Variants in PREX2 observed in about 807,000 individuals in gnomAD.
The protein encoded by PREX2 is phosphatidylinositol-3,4,5-trisphosphate dependent Rac exchange factor 2.
A neutral mutation model predicts 203.2 loss-of-function variants in PREX2; 107 were observed. That is an observed-to-expected ratio of 0.53 (90% CI 0.45 to 0.62). PREX2 has a LOEUF of 0.62. Ranked by LOEUF, PREX2 falls within the 20% of genes least tolerant of loss-of-function variation. The pLI is 0.00. For missense variants in PREX2, 1,777 were observed against 1,955.9 expected (o/e 0.91, Z 1.72); for synonymous variants, 672 against 663.6 (o/e 1.01, Z -0.19).
chr8:68,038,622 C>G (rs1276377614), intron 7 of PREX2, among the ~76,000 whole-genome samples: 1 of 152,108 alleles, frequency 6.6e-6, no homozygotes, highest in Non-Finnish European at 1.5e-5. Flanking sequence ...GCTTCCTAAT[C>G]TTGTTTCCCA....
rs772254176 is a variant in PREX2 at position 68,087,810 on chromosome 8, G to T, written c.2113+1G>T. ...TCTGTTGTGCATGCTGTAGGAAGAG[G>T]TAGGAAATTCGTCTTGCAGGGAAAC... is the stretch of plus-strand genomic sequence containing the variant. On this transcript the variant is annotated splice_donor_variant, in intron 19 of 39. Transcript: ENST00000288368. LOFTEE classifies it high-confidence loss of function. 24 of 1,609,416 alleles carry T rather than the reference G, an allele frequency of 1.5e-5. No individual in the cohort carries two copies. The Admixed American group carries it at 3.8e-4, about 26-fold the overall frequency.
chr8:68,174,993 G>A (rs1350665015), intron 35 of PREX2, among the ~76,000 whole-genome samples: 3 of 152,198 alleles, frequency 2.0e-5, no homozygotes, highest in Admixed American at 6.5e-5. Context: ...AGATGAACCG[G>A]ACAATATGCT....
chr8:68,118,207 T>G (rs1810695279), intron 26 of PREX2, among the ~76,000 whole-genome samples: 2 of 151,914 alleles, frequency 1.3e-5, no homozygotes, highest in Admixed American at 1.3e-4. Flanking sequence ...TACAAAAAAT[T>G]AGCCTGGTGT....
chr8:68,119,690 A>G (rs1381644493), intron 28 of PREX2, among the ~76,000 whole-genome samples, 176 bp downstream of exon 28: 1 of 152,198 alleles, frequency 6.6e-6, no homozygotes, highest in Non-Finnish European at 1.5e-5. Context: ...TCAGCCAACT[A>G]ACCTAAAGGA....
At chr8:67,976,677 GAGAC>G (rs1196111075) in intron 1 of PREX2, among the ~76,000 whole-genome samples, 2 of 98,454 alleles carry the variant, frequency 2.0e-5, no homozygotes, top group African/African-American at 7.1e-5. Flanking sequence ...GACAGAGAGA[GAGAC>G]AGGAGAGAGA....
chr8:67,958,838 G>A (rs1425387029), intron 1 of PREX2, among the ~76,000 whole-genome samples: 3 of 152,278 alleles, frequency 2.0e-5, no homozygotes, highest in African/African-American at 4.8e-5. Context: ...CATTGACTGA[G>A]AATTGGAATG....
intron 1 of PREX2, among the ~76,000 whole-genome samples, chr8:68,000,543 A>G (rs13270348): frequency 0.69 from 104,348 of 152,106 alleles, 36,028 homozygotes; most frequent in South Asian, 0.81. Context: ...TACAAATTCA[A>G]TGTTATTCCT....
At chr8:68,135,878 G>C (rs77583270) in intron 32 of PREX2, among the ~76,000 whole-genome samples, 1,574 of 152,154 alleles carry the variant, frequency 0.01, 26 homozygotes, top group African/African-American at 0.036. Context: ...CCATATAATG[G>C]AATATTATTC....
rs74390691 is a variant in PREX2, at chr8:68,108,463, T to C, written c.2938+132T>C. ...TGAACTTTTATAAAGGAAGGATTTC[T>C]TGCTGTAATCATTTGGATAATTATG... is the stretch of plus-strand genomic sequence containing the variant. On this transcript the variant is annotated intron_variant, in intron 24 of 39. Coordinates refer to ENST00000288368, the MANE Select transcript of PREX2 (RefSeq NM_024870.4). 1.3e-3 allele frequency: 811 copies of C among 648,448 alleles called. 6 individuals carry two copies. The African/African-American group carries it at 0.013, about 11-fold the overall frequency. The allele number at this position is 648,448 out of a possible 1,614,324, so 40.2% of individuals were successfully genotyped here. A position where few individuals can be genotyped will look rare whatever the true frequency, so the allele number is the denominator to read the frequency against.
chr8:68,030,229 A>C (rs1807842367), intron 5 of PREX2, among the ~76,000 whole-genome samples: 1 of 152,208 alleles, frequency 6.6e-6, no homozygotes, highest in African/African-American at 2.4e-5. Flanking sequence ...TCCCAGTAAG[A>C]TATTTGACCA....
chr8:68,146,808 T>C (rs988778869), intron 34 of PREX2, among the ~76,000 whole-genome samples: 3 of 152,200 alleles, frequency 2.0e-5, no homozygotes, highest in African/African-American at 7.2e-5. Context: ...GGTGGTTAAA[T>C]TGATGCTTTT....
intron 6 of PREX2, 82 bp downstream of exon 6, chr8:68,030,740 A>G: frequency 7.5e-7 from 1 of 1,330,838 alleles, no homozygotes; most frequent in Non-Finnish European, 1.1e-6. Flanking sequence ...GTTGGATGGA[A>G]CCATAAATGG....
At chr8:68,066,768 C>T (rs1809027101) in intron 11 of PREX2, among the ~76,000 whole-genome samples, 1 of 151,742 alleles carries the variant, frequency 6.6e-6, no homozygotes, top group Non-Finnish European at 1.5e-5. Context: ...CCTTTGTTGC[C>T]CGTACTTTTG....
In PREX2 at chr8:68,234,832, A is replaced by C. The variant is rs928492257; in HGVS notation, c.*3454A>C. On this transcript the variant is annotated 3_prime_UTR_variant, in exon 40 of 40. Transcript: ENST00000288368. ...TAGGTAAACTTTTTATGATACTATA[A>C]TATATATGACGTTGAAATGACATTG... is the stretch of plus-strand genomic sequence containing the variant. 5 of 152,114 alleles carry C rather than the reference A, an allele frequency of 3.3e-5. No homozygotes were observed. The highest frequency in any genetic ancestry group is 4.4e-5 in the Non-Finnish European group (3 of 68,016). The allele number at this position is 152,114 out of a possible 1,614,324, so 9.4% of individuals were successfully genotyped here. A position where few individuals can be genotyped will look rare whatever the true frequency, so the allele number is the denominator to read the frequency against.
chr8:67,967,308 C>A lies in PREX2; in HGVS notation c.141+14773C>A, dbSNP rs1451359347. ...GTGACACTAAGACTTAAGGCTTTAA[C>A]TAGTGTCATTCTTTAGTTGTCATTT... On this transcript the variant is annotated intron_variant, in intron 1 of 39. Transcript: ENST00000288368. Among the ~76,000 whole-genome samples, 3 of 152,146 alleles carry A rather than the reference C, an allele frequency of 2.0e-5. No individual in the cohort carries two copies. In the East Asian group the frequency reaches 5.8e-4, roughly 29 times the overall value.
rs559705618 is a variant in PREX2 at position 67,978,616 on chromosome 8, A to G, written c.141+26081A>G. 5.3e-5 allele frequency among the ~76,000 whole-genome samples: 8 copies of G among 152,136 alleles called. No homozygotes were observed. The East Asian group carries it at 1.5e-3, about 29-fold the overall frequency. On this transcript the variant is annotated intron_variant, in intron 1 of 39. Transcript: ENST00000288368. ...GCTTCATCCATTCTACTCTTGGTGG[A>G]TATTTGGGTAGTTTCCAGTTGTCGA...
At chr8:67,995,086 A>G (rs1006997003) in intron 1 of PREX2, among the ~76,000 whole-genome samples, 2 of 151,734 alleles carry the variant, frequency 1.3e-5, no homozygotes, top group Non-Finnish European at 2.9e-5. Flanking sequence ...CTTTTTTAAG[A>G]CTACATGGTG....
intron 37 of PREX2, among the ~76,000 whole-genome samples, chr8:68,197,183 C>T (rs1465992280): frequency 6.6e-6 from 1 of 151,832 alleles, no homozygotes; most frequent in Non-Finnish European, 1.5e-5. Context: ...ATGACTAAAT[C>T]ACCTCTGATA....
rs377455376 is a variant in PREX2, at chr8:68,191,746, T to C, written c.4371T>C (p.Asn1457=). Residue 1457 remains asparagine, a synonymous_variant, in exon 36 of 40, where the codon AAT becomes AAC. Transcript: ENST00000288368. ...KLRAFYLDKS[N]SPPNSTSKAA... is the part of the protein sequence containing the mutation. ...GGGCATTCTACTTGGACAAGTCAAA[T>C]TCACCACCAAACTCCACATCCAAAG... The C allele has an allele frequency of 4.3e-6, 7 of 1,610,912 alleles. No homozygotes were observed. Among genetic ancestry groups the C allele is most frequent in the Non-Finnish European group, 5.9e-6 (7 of 1,177,238 alleles).
Sources: allele counts gnomAD v4.1 joint callset (sites outside exome capture counted in the v4.1 genomes callset), GRCh38; gene constraint gnomAD v4.1.1; transcripts MANE v1.5; gene names NCBI Gene and HGNC (gene_info 2026-07-23, HGNC 2026-07-21).